TENM1: variants seen among roughly 807,000 people sequenced by gnomAD.
TENM1 encodes the protein teneurin-1.
Under a neutral mutation model 174.8 loss-of-function variants are expected in TENM1, and 35 were observed. That is an observed-to-expected ratio of 0.20 (90% CI 0.15 to 0.27). TENM1 has a LOEUF of 0.27. Ranked by LOEUF, TENM1 falls within the 10% of genes least tolerant of loss-of-function variation. The probability of loss-of-function intolerance (pLI) is 1.00; values close to 1 mark genes in which losing one functional copy is unlikely to be tolerated. For synonymous variants in TENM1, 781 were observed against 798.7 expected (o/e 0.98, Z 0.37); for missense variants, 1,633 against 2,130.1 (o/e 0.77, Z 4.59).
intron 3 of TENM1, among the ~76,000 whole-genome samples, chrX:124,790,016 G>A (rs2055144324): frequency 8.9e-6 from 1 of 111,963 alleles, no homozygotes; most frequent in South Asian, 3.8e-4. Context: ...GGCTGAGAAG[G>A]CCTTATAATC....
chrX:124,871,281 G>C (rs2057103777), intron 3 of TENM1, among the ~76,000 whole-genome samples: 1 of 112,135 alleles, frequency 8.9e-6, no homozygotes, highest in African/African-American at 3.2e-5. Context: ...GAGAAGCATA[G>C]AGACCTGTTA....
intron 3 of TENM1, among the ~76,000 whole-genome samples, chrX:124,848,052 G>A (rs751238088): frequency 9.0e-6 from 1 of 110,760 alleles, no homozygotes; most frequent in Non-Finnish European, 1.9e-5. Flanking sequence ...TGGCTTTGAA[G>A]AAGGACTCTT....
intron 4 of TENM1, among the ~76,000 whole-genome samples, chrX:124,713,329 C>A (rs1016322243): frequency 1.8e-5 from 2 of 109,352 alleles, no homozygotes; most frequent in East Asian, 5.8e-4. Context: ...AGTGTAATGG[C>A]GTGATCTCGG....
At chrX:124,714,575 C>T (rs1239419459) in intron 4 of TENM1, among the ~76,000 whole-genome samples, 1 of 111,633 alleles carries the variant, frequency 9.0e-6, no homozygotes, top group African/African-American at 3.3e-5. Flanking sequence ...TACTTATCAT[C>T]ATTGTGAAAG....
At chrX:124,876,325 T>G (rs1451337319) in intron 3 of TENM1, among the ~76,000 whole-genome samples, 1 of 111,895 alleles carries the variant, frequency 8.9e-6, no homozygotes, top group Non-Finnish European at 1.9e-5. Context: ...GATGTACTCA[T>G]ATGGTATGTT....
intron 3 of TENM1, among the ~76,000 whole-genome samples, chrX:124,861,526 G>T (rs1482110227): frequency 9.0e-6 from 1 of 111,566 alleles, no homozygotes; most frequent in Non-Finnish European, 1.9e-5. Flanking sequence ...CTTACTTTAG[G>T]TGTGACTACC....
At chrX:124,703,961 C>T (rs1290324338) in intron 5 of TENM1, among the ~76,000 whole-genome samples, 1 of 112,406 alleles carries the variant, frequency 8.9e-6, no homozygotes, top group East Asian at 2.8e-4. Flanking sequence ...TCAGTGACCT[C>T]CCTACAAAAT....
At chrX:124,530,026 C>T (rs2048070647) in intron 15 of TENM1, 43 bp from the exon 19 acceptor site, 1 of 1,175,883 alleles carries the variant, frequency 8.5e-7, no homozygotes, top group Admixed American at 2.6e-5. Flanking sequence ...CATGTTGAGA[C>T]TAGATTCTAG....
At chrX:124,880,904 T>A (rs2147514508) in intron 3 of TENM1, among the ~76,000 whole-genome samples, 1 of 112,041 alleles carries the variant, frequency 8.9e-6, no homozygotes, top group African/African-American at 3.2e-5. Context: ...TGGTATATTA[T>A]GTTTTGATGT....
chrX:124,542,845 A>G (rs1211849958), intron 15 of TENM1, among the ~76,000 whole-genome samples: 1 of 111,616 alleles, frequency 9.0e-6, no homozygotes, highest in Non-Finnish European at 1.9e-5. Flanking sequence ...CTAAGGGGAG[A>G]AATATTGTTC....
chrX:124,657,777 T>C (rs1448531201), intron 6 of TENM1, among the ~76,000 whole-genome samples: 3 of 112,034 alleles, frequency 2.7e-5, no homozygotes, highest in Non-Finnish European at 3.8e-5. Flanking sequence ...TTAAAGGCTA[T>C]GGTATAGCCC....
At chrX:124,819,240 C>A (rs1402486601) in intron 3 of TENM1, among the ~76,000 whole-genome samples, 7 of 111,185 alleles carry the variant, frequency 6.3e-5, no homozygotes, top group African/African-American at 2.3e-4. Context: ...TGAATAAGTC[C>A]TAAATTTAAA....
intron 3 of TENM1, among the ~76,000 whole-genome samples, chrX:124,867,768 T>A (rs1368081849): frequency 8.9e-6 from 1 of 112,279 alleles, no homozygotes; most frequent in Non-Finnish European, 1.9e-5. Flanking sequence ...CTATCAGAAC[T>A]GATAAACAAA....
chrX:125,188,471 G>A, the TENM1 span, among the ~76,000 whole-genome samples: 6 of 112,020 alleles, frequency 5.4e-5, no homozygotes, highest in Non-Finnish European at 9.4e-5. Context: ...TTTATGACTG[G>A]CACTTAATTA....
chrX:124,770,220 T>G (rs2054621369), intron 3 of TENM1, among the ~76,000 whole-genome samples: 2 of 111,412 alleles, frequency 1.8e-5, no homozygotes, highest in African/African-American at 6.5e-5. Flanking sequence ...TTTAAAGAGG[T>G]GTACAGTAAG....
At chrX:124,462,465 G>A (rs899009890) in intron 22 of TENM1, among the ~76,000 whole-genome samples, 2 of 106,677 alleles carry the variant, frequency 1.9e-5, no homozygotes, top group Non-Finnish European at 3.9e-5. Context: ...GGGTGTGTGT[G>A]TTTAATATGG....
At chrX:124,757,298 A>C (rs1334999014) in intron 3 of TENM1, among the ~76,000 whole-genome samples, 1 of 112,722 alleles carries the variant, frequency 8.9e-6, no homozygotes, top group Non-Finnish European at 1.9e-5. Context: ...CCTCCAAGCC[A>C]GGTGCGGGAT....
chrX:124,955,892 G>A (rs1699119977), intron 1 of TENM1, among the ~76,000 whole-genome samples: 1 of 110,747 alleles, frequency 9.0e-6, no homozygotes, highest in African/African-American at 3.3e-5. Context: ...AGTTATGACA[G>A]TGGGCTCTAA....
chrX:124,565,646 TC>T, intron 11 of TENM1, 86 bp from the exon 15 acceptor site: 1 of 578,685 alleles, frequency 1.7e-6, no homozygotes, highest in Admixed American at 5.4e-5. Context: ...TTACCAAAAA[TC>T]CCTGTCTATA....
Sources: gnomAD v4.1 joint callset for allele counts (sites outside exome capture counted in the v4.1 genomes callset) on GRCh38, gnomAD v4.1.1 for gene constraint, MANE v1.5 for transcripts, NCBI Gene and HGNC (gene_info 2026-07-23, HGNC 2026-07-21) for gene names.